Variants in EDIL3 observed in about 807,000 individuals in gnomAD.
The protein encoded by EDIL3 is EGF-like repeat and discoidin I-like domain-containing protein 3.
In EDIL3, 37 loss-of-function variants were observed where a neutral mutation model predicts 67.4. The observed-to-expected ratio is 0.55, with a 90% CI of 0.42 to 0.72. The LOEUF is 0.72. Ranked by LOEUF, EDIL3 falls within the 30% of genes least tolerant of loss-of-function variation. EDIL3 has a pLI of 0.00. For synonymous variants in EDIL3, 195 were observed against 196.3 expected (o/e 0.99, Z 0.05); for missense variants, 527 against 586.3 (o/e 0.90, Z 1.04).
intron 1 of EDIL3, among the ~76,000 whole-genome samples, chr5:84,270,794 G>A (rs745590308): frequency 3.9e-5 from 6 of 151,942 alleles, no homozygotes; most frequent in African/African-American, 7.3e-5. Context: ...CTTATTCTCC[G>A]ACCTAGAGCC....
In EDIL3 at chr5:84,276,429, C is replaced by T. The variant is rs532723019; in HGVS notation, c.68-22217G>A. On this transcript the variant is annotated intron_variant, in intron 1 of 10. Transcript: ENST00000296591. ...TGGTTAACTTTCTCCATATACAGTACTTAATCTCTAACTATTCTGTAATTG... is the reference window on the plus strand; with the variant it reads ...TGGTTAACTTTCTCCATATACAGTATTTAATCTCTAACTATTCTGTAATTG... 2.6e-5 allele frequency among the ~76,000 whole-genome samples: 4 copies of T among 152,300 alleles called. No homozygotes were observed. In the South Asian group the frequency reaches 8.3e-4, roughly 32 times the overall value.
intron 10 of EDIL3, among the ~76,000 whole-genome samples, chr5:83,943,845 G>A (rs1476043112): frequency 6.6e-6 from 1 of 151,656 alleles, no homozygotes; most frequent in Non-Finnish European, 1.5e-5. Context: ...AATACAACAG[G>A]TATTCATTTT....
chr5:84,381,964 T>C (rs1748085378), intron 1 of EDIL3, among the ~76,000 whole-genome samples: 1 of 152,148 alleles, frequency 6.6e-6, no homozygotes, highest in Non-Finnish European at 1.5e-5. Flanking sequence ...ATGAGATTAA[T>C]GATTGGGGGC....
chr5:84,131,035 T>C (rs898149780), intron 5 of EDIL3, among the ~76,000 whole-genome samples: 1 of 152,102 alleles, frequency 6.6e-6, no homozygotes, highest in South Asian at 2.1e-4. Context: ...GAAGGACAAG[T>C]TGTTTGCATA....
chr5:84,268,362 C>T (rs575974709), intron 1 of EDIL3, among the ~76,000 whole-genome samples: 2 of 152,186 alleles, frequency 1.3e-5, no homozygotes, highest in South Asian at 4.2e-4. Context: ...AACACCAGTC[C>T]TTTCTGAATC....
chr5:84,170,613 T>TA (rs200775640), intron 4 of EDIL3, among the ~76,000 whole-genome samples: 1,821 of 152,186 alleles, frequency 0.012, 24 homozygotes, highest in Non-Finnish European at 0.016. Context: ...CTAAGCAACT[T>TA]ACTTGGAAGA....
chr5:84,384,521 A>T lies in EDIL3; in HGVS notation c.-147T>A. On this transcript the variant is annotated 5_prime_UTR_variant, in exon 1 of 11. Coordinates refer to ENST00000296591, the MANE Select transcript of EDIL3 (RefSeq NM_005711.5). The stretch of plus-strand genomic sequence containing the variant: ...CTCTTTCCTCAGCGCTTTGTTAAAC[A>T]AATTCTTGGAGAGGGCGAGAGTGGT... 1 of 725,754 alleles carries T rather than the reference A, an allele frequency of 1.4e-6. No homozygotes were observed. The highest frequency in any genetic ancestry group is 1.8e-5 in the African/African-American group (1 of 55,114). 45.0% of individuals were successfully genotyped at this position (725,754 alleles called of 1,614,324 possible).
intron 1 of EDIL3, among the ~76,000 whole-genome samples, chr5:84,342,210 A>G (rs1747130739): frequency 6.6e-6 from 1 of 152,092 alleles, no homozygotes; most frequent in Non-Finnish European, 1.5e-5. Context: ...TTGCAGATAC[A>G]TGAGTGGAAT....
chr5:84,043,280 G>T (rs894058394), intron 9 of EDIL3, among the ~76,000 whole-genome samples: 10 of 152,274 alleles, frequency 6.6e-5, no homozygotes, highest in Non-Finnish European at 1.5e-4. Flanking sequence ...CATGACAGGG[G>T]TCGACTATTC....
chr5:84,262,350 G>C (rs1745240154), intron 1 of EDIL3, among the ~76,000 whole-genome samples: 1 of 152,080 alleles, frequency 6.6e-6, no homozygotes, highest in Non-Finnish European at 1.5e-5. Flanking sequence ...AAAGGAAGGA[G>C]GGAAAGAGGA....
intron 9 of EDIL3, among the ~76,000 whole-genome samples, chr5:84,004,091 T>G (rs1745375656): frequency 6.6e-6 from 1 of 151,870 alleles, no homozygotes. Context: ...GTACACTATA[T>G]AATGATAAAT....
chr5:84,122,715 A>C (rs1391096693), intron 5 of EDIL3, among the ~76,000 whole-genome samples: 2 of 151,808 alleles, frequency 1.3e-5, no homozygotes, highest in South Asian at 2.1e-4. Flanking sequence ...AATGATGAGG[A>C]GGGCACTTAG....
intron 9 of EDIL3, among the ~76,000 whole-genome samples, chr5:84,054,561 T>C (rs13163553): frequency 0.31 from 46,472 of 151,510 alleles, 7,250 homozygotes; most frequent in African/African-American, 0.35. Flanking sequence ...TAGAAAACCC[T>C]ATCATCTCAG....
chr5:84,090,809 G>A (rs537963332), intron 6 of EDIL3, among the ~76,000 whole-genome samples: 78 of 151,930 alleles, frequency 5.1e-4, no homozygotes, highest in African/African-American at 1.4e-3. Context: ...ATAGCTGGGC[G>A]TGGTGGTGCG....
intron 9 of EDIL3, among the ~76,000 whole-genome samples, chr5:84,039,126 T>C (rs553857014): frequency 3.3e-5 from 5 of 152,172 alleles, no homozygotes; most frequent in Non-Finnish European, 5.9e-5. Context: ...TTTTTAATTA[T>C]ATGAATCCAT....
intron 4 of EDIL3, among the ~76,000 whole-genome samples, chr5:84,139,025 G>A (rs1405916657): frequency 6.6e-6 from 1 of 152,140 alleles, no homozygotes; most frequent in Non-Finnish European, 1.5e-5. Flanking sequence ...GGATCACAAG[G>A]CCAGTAGTTC....
At chr5:84,223,993 A>G (rs1255837286) in intron 3 of EDIL3, among the ~76,000 whole-genome samples, 4 of 151,484 alleles carry the variant, frequency 2.6e-5, no homozygotes, top group African/African-American at 9.7e-5. Context: ...AGCTACTTAT[A>G]TAGAAATCCA....
intron 6 of EDIL3, among the ~76,000 whole-genome samples, chr5:84,086,018 A>C (rs1207445403): frequency 6.6e-6 from 1 of 152,178 alleles, no homozygotes; most frequent in East Asian, 1.9e-4. Context: ...CACCAAGCTC[A>C]TCAACCCAGG....
At chr5:84,178,811 C>T (rs1301258836) in intron 4 of EDIL3, among the ~76,000 whole-genome samples, 1 of 152,106 alleles carries the variant, frequency 6.6e-6, no homozygotes, top group East Asian at 1.9e-4. Flanking sequence ...ACAACAAAAT[C>T]CAAGTTCCCA....
Sources: allele counts gnomAD v4.1 joint callset (sites outside exome capture counted in the v4.1 genomes callset), GRCh38; gene constraint gnomAD v4.1.1; transcripts MANE v1.5; gene names NCBI Gene and HGNC (gene_info 2026-07-23, HGNC 2026-07-21).